The following TTC17 variants were observed in gnomAD, a reference collection of about 807,000 sequenced individuals.
The protein encoded by TTC17 is tetratricopeptide repeat domain 17.
TTC17 carries 58 observed loss-of-function variants against 143.8 expected under a neutral mutation model. That is an observed-to-expected ratio of 0.40 (90% CI 0.33 to 0.50). The LOEUF is 0.50. TTC17 is among the 20% of genes least tolerant of loss of function. The pLI is 0.49. For missense variants in TTC17, 1,273 were observed against 1,392.5 expected (o/e 0.91, Z 1.37); for synonymous variants, 501 against 497.8 (o/e 1.01, Z -0.09).
In TTC17 at chr11:43,374,752, A is replaced by G. The variant is rs1308416955; in HGVS notation, c.160-4481A>G. 2.2e-4 allele frequency among the ~76,000 whole-genome samples: 33 copies of G among 149,784 alleles called. No individual in the cohort carries two copies. In the East Asian group the frequency reaches 6.2e-3, roughly 28 times the overall value. On this transcript the variant is annotated intron_variant, in intron 1 of 23. Transcript: ENST00000039989. ...GAATGACTATTATTAAAAAGACCAA[A>G]AAAAAAAAAAAAAGGATGTTGGCAG...
In TTC17 at chr11:43,492,087, T is replaced by C. The variant is rs775282968; in HGVS notation, c.3218T>C (p.Val1073Ala). 12 of 1,614,030 alleles carry C rather than the reference T, an allele frequency of 7.4e-6. No homozygotes were observed. In the South Asian group the frequency reaches 1.3e-4, roughly 18 times the overall value. ...NAKLWNDAVI[V>A]ATMAVEIAPH... Reference sequence around the variant, plus strand: ...AAGCTCTGGAATGACGCCGTCATAGTAGCCACCATGGCAGTAGAGATCGCA... The same window carrying C: ...AAGCTCTGGAATGACGCCGTCATAGCAGCCACCATGGCAGTAGAGATCGCA... Residue 1073 changes from valine (V) to alanine (A), a missense_variant, in exon 23 of 24, where the codon GTA (valine) becomes GCA (alanine). Transcript: ENST00000039989.
chr11:43,425,738 C>G (rs932884472), intron 16 of TTC17, among the ~76,000 whole-genome samples: 14 of 152,096 alleles, frequency 9.2e-5, no homozygotes, highest in African/African-American at 3.4e-4. Context: ...TTATTTCATA[C>G]TGAGCCACTC....
chr11:43,453,654 A>T (rs1947708245), intron 21 of TTC17, among the ~76,000 whole-genome samples: 1 of 152,180 alleles, frequency 6.6e-6, no homozygotes, highest in South Asian at 2.1e-4. Flanking sequence ...GGTATAAGGG[A>T]CTAGTAGCAA....
At chr11:43,427,180 T>C (rs894680958) in intron 16 of TTC17, among the ~76,000 whole-genome samples, 1 of 152,232 alleles carries the variant, frequency 6.6e-6, no homozygotes, top group South Asian at 2.1e-4. Flanking sequence ...CTGTTGGTTT[T>C]CCTACTCGAT....
At chr11:43,466,744 G>A in intron 21 of TTC17, 2 of 311,662 alleles carry the variant, frequency 6.4e-6, no homozygotes, top group Non-Finnish European at 1.3e-5. Context: ...ATGGCCAAAT[G>A]GTGGGATGGC....
At chr11:43,368,816 A>G (rs1856451498) in intron 1 of TTC17, among the ~76,000 whole-genome samples, 1 of 152,224 alleles carries the variant, frequency 6.6e-6, no homozygotes, top group Non-Finnish European at 1.5e-5. Context: ...AGGTCCTGTA[A>G]GATCTAGAAC....
rs756733811 is a variant in TTC17, at chr11:43,450,264, G to A, written c.2946+23G>A. On this transcript the variant is annotated intron_variant, in intron 20 of 23. Transcript: ENST00000039989. ...GAGGTGAGTGCTCGGCTTTGTTCAGGCTGTTTTTTAGCCTCACAGTTAGGA... is the reference window on the plus strand; with the variant it reads ...GAGGTGAGTGCTCGGCTTTGTTCAGACTGTTTTTTAGCCTCACAGTTAGGA... 5 of 1,600,462 alleles carry A rather than the reference G, an allele frequency of 3.1e-6. No individual in the cohort carries two copies. The South Asian group carries it at 4.5e-5, about 14-fold the overall frequency.
chr11:43,451,369 G>C, intron 21 of TTC17, 104 bp downstream of exon 21: 1 of 945,226 alleles, frequency 1.1e-6, no homozygotes, highest in South Asian at 1.6e-5. Flanking sequence ...TAGTTACTTA[G>C]CACTTGGTGG....
chr11:43,383,472 C>T (rs1256174285), intron 2 of TTC17, among the ~76,000 whole-genome samples: 1 of 152,244 alleles, frequency 6.6e-6, no homozygotes, highest in Non-Finnish European at 1.5e-5. Flanking sequence ...CCTGCCTCAG[C>T]CTCCCGAGTG....
intron 16 of TTC17, among the ~76,000 whole-genome samples, chr11:43,415,684 C>T (rs1946762566): frequency 6.6e-6 from 1 of 152,042 alleles, no homozygotes; most frequent in African/African-American, 2.4e-5. Context: ...GATTTGGGAC[C>T]AGAAAGTGGT....
chr11:43,361,486 C>T (rs979350571), intron 1 of TTC17, among the ~76,000 whole-genome samples: 12 of 152,184 alleles, frequency 7.9e-5, no homozygotes, highest in Non-Finnish European at 1.6e-4. Context: ...ACAATACTTA[C>T]ATTAGCCAAA....
At chr11:43,415,888 A>G (rs987407859) in intron 16 of TTC17, among the ~76,000 whole-genome samples, 1 of 152,206 alleles carries the variant, frequency 6.6e-6, no homozygotes, top group Non-Finnish European at 1.5e-5. Flanking sequence ...ATGAATGTCA[A>G]AGGCCCAAAA....
chr11:43,364,208 C>T (rs1320365949), intron 1 of TTC17, among the ~76,000 whole-genome samples: 1 of 152,006 alleles, frequency 6.6e-6, no homozygotes, highest in Non-Finnish European at 1.5e-5. Flanking sequence ...AGGTGTGCAC[C>T]ACCACACCTG....
chr11:43,486,651 G>A (rs1251007824), intron 21 of TTC17, among the ~76,000 whole-genome samples: 1 of 152,172 alleles, frequency 6.6e-6, no homozygotes, highest in Non-Finnish European at 1.5e-5. Flanking sequence ...CCATTTTTCA[G>A]TAAGGTGGTC....
At chr11:43,489,521 T>G (rs550298339) in intron 21 of TTC17, among the ~76,000 whole-genome samples, 2 of 152,246 alleles carry the variant, frequency 1.3e-5, no homozygotes, top group Non-Finnish European at 2.9e-5. Context: ...GCAGATCACC[T>G]GAGGTCATGA....
At chr11:43,480,793 G>T (rs921989307) in intron 21 of TTC17, among the ~76,000 whole-genome samples, 1 of 149,994 alleles carries the variant, frequency 6.7e-6, no homozygotes, top group Non-Finnish European at 1.5e-5. Flanking sequence ...AAATTTAAGG[G>T]TATCATTAAA....
At chr11:43,483,730 A>G (rs1011866503) in intron 21 of TTC17, among the ~76,000 whole-genome samples, 3 of 152,254 alleles carry the variant, frequency 2.0e-5, no homozygotes, top group African/African-American at 7.2e-5. Context: ...TACTTCAAAG[A>G]TGATTCTTAC....
intron 1 of TTC17, among the ~76,000 whole-genome samples, chr11:43,372,584 G>A (rs1305937463): frequency 6.6e-5 from 10 of 151,574 alleles, no homozygotes; most frequent in Admixed American, 2.0e-4. Flanking sequence ...TCCACCTCCC[G>A]GATTCAAGCG....
intron 15 of TTC17, among the ~76,000 whole-genome samples, chr11:43,409,868 A>C (rs972950348): frequency 1.3e-5 from 2 of 150,078 alleles, no homozygotes; most frequent in African/African-American, 4.9e-5. Flanking sequence ...TTGAGACAAA[A>C]TCTTGCTCTG....
Sources: gnomAD v4.1 joint callset for allele counts (sites outside exome capture counted in the v4.1 genomes callset) on GRCh38, gnomAD v4.1.1 for gene constraint, MANE v1.5 for transcripts, NCBI Gene and HGNC (gene_info 2026-07-23, HGNC 2026-07-21) for gene names.